Variants in FAM114A1 observed in about 807,000 individuals in gnomAD.
FAM114A1 encodes protein NOXP20.
FAM114A1 carries 62 observed loss-of-function variants against 64.3 expected under a neutral mutation model. The ratio of observed to expected loss-of-function variants is 0.96; its 90% CI spans 0.79 to 1.19. The LOEUF (loss-of-function observed/expected upper bound fraction) is 1.19, where lower values mean the gene tolerates loss of function less well. Ranked by LOEUF, FAM114A1 falls within the 50% of genes most tolerant of loss-of-function variation. FAM114A1 has a pLI of 0.00. For missense variants in FAM114A1, 645 were observed against 676.3 expected (o/e 0.95, Z 0.51); for synonymous variants, 254 against 251.1 (o/e 1.01, Z -0.11).
At chr4:38,900,369 T>C (rs1344062395) in intron 4 of FAM114A1, among the ~76,000 whole-genome samples, 2 of 152,222 alleles carry the variant, frequency 1.3e-5, no homozygotes, top group East Asian at 3.9e-4. Flanking sequence ...AGAATTACCA[T>C]ATGATCCACC....
At chr4:38,868,171 G>A in intron 1 of FAM114A1, 2 of 221,614 alleles carry the variant, frequency 9.0e-6, no homozygotes, top group Non-Finnish European at 9.8e-6. Flanking sequence ...AGCCTGCCTG[G>A]ATCTCCCAAA....
chr4:38,943,842 G>C lies in FAM114A1; in HGVS notation c.*285G>C, dbSNP rs729363. On this transcript the variant is annotated 3_prime_UTR_variant, in exon 15 of 15. Transcript: ENST00000358869. ...ATCTGAAATTTATTTACAAATATTC[G>C]TGTTCATTTTCCTGGTTAAGCATGC... 0.48 allele frequency: 133,036 copies of C among 277,188 alleles called. 32,518 individuals are homozygous for C. Among genetic ancestry groups the C allele is most frequent in the African/African-American group, 0.56 (26,125 of 46,876 alleles). The allele number at this position is 277,188 out of a possible 1,614,324, so 17.2% of individuals were successfully genotyped here.
chr4:38,880,288 G>A (rs1715128618), intron 3 of FAM114A1, among the ~76,000 whole-genome samples: 2 of 152,150 alleles, frequency 1.3e-5, no homozygotes, highest in Admixed American at 1.3e-4. Context: ...CCAGGATTGA[G>A]AATAATTAGT....
At position 38,886,923 on chromosome 4, in the gene FAM114A1, G is replaced by A. The variant is rs534748716; in HGVS notation, c.349-4820G>A. Among the ~76,000 whole-genome samples, 9 of 136,470 alleles carry A rather than the reference G, an allele frequency of 6.6e-5. No homozygotes were observed. The East Asian group carries it at 8.6e-4, about 13-fold the overall frequency. 89.5% of individuals were successfully genotyped at this position (136,470 alleles called of 152,430 possible). On this transcript the variant is annotated intron_variant, in intron 3 of 14. Coordinates refer to ENST00000358869, the MANE Select transcript of FAM114A1 (RefSeq NM_138389.4). ...AGCCTGGGAGACAGAGCGAGACTCC[G>A]TCTCAAAAAAAAAAAAAAAAAAGGA...
chr4:38,905,396 C>CT lies in FAM114A1; in HGVS notation c.437-122dup, dbSNP rs201086596. 5,909 of 657,012 alleles carry CT rather than the reference C, an allele frequency of 9.0e-3. 2 individuals carry two copies. The highest frequency in any genetic ancestry group is 0.011 in the Non-Finnish European group (4,360 of 393,340). 40.7% of individuals were successfully genotyped at this position (657,012 alleles called of 1,614,324 possible). ...CCTGGGTGACAGAGCAAGACTCCAT[C>CT]TTTTAAAAAAAAAAAAAAAGAAAGA... On this transcript the variant is annotated intron_variant, in intron 4 of 14. Coordinates refer to ENST00000358869, the MANE Select transcript of FAM114A1 (RefSeq NM_138389.4).
Position 38,914,975 on chromosome 4 carries a change from A to G in FAM114A1, c.847A>G (p.Met283Val). The G allele has an allele frequency of 1.9e-6, 3 of 1,614,152 alleles. No individual in the cohort carries two copies. The East Asian group carries it at 6.7e-5, about 36-fold the overall frequency. ...GCAGAGACTGGCACAGCAGCTCACG[A>G]TGGAGAGAACCGCGCACTACGGGAT... ...EKQRLAQQLT[M>V]ERTAHYGMLF... Residue 283 changes from methionine (M) to valine (V), a missense_variant, in exon 8 of 15, where the codon ATG (methionine) becomes GTG (valine). Met to Val is a conservative substitution (Grantham distance 21, BLOSUM62 1). Coordinates refer to ENST00000358869, the MANE Select transcript of FAM114A1 (RefSeq NM_138389.4).
At position 38,905,576 on chromosome 4, in the gene FAM114A1, G is replaced by A. The variant is rs762187696; in HGVS notation, c.491G>A (p.Gly164Asp). The change falls in exon 5 of 15, where the codon GGT (glycine) becomes GAT (aspartate). Residue 164 changes from glycine (G) to aspartate (D), a missense_variant. Physicochemically the swap from Gly to Asp is moderately conservative, Grantham distance 94 (BLOSUM62 -1). Transcript: ENST00000358869. ...EKAGATLRIHGVNSGSSEGAQ... is the reference protein window; with the variant it reads ...EKAGATLRIHDVNSGSSEGAQ... Reference sequence around the variant, plus strand: ...GCAGGAGCCACTCTACGGATTCATGGTGTAAATTCTGGATCTTCTGAAGGA... The same window carrying A: ...GCAGGAGCCACTCTACGGATTCATGATGTAAATTCTGGATCTTCTGAAGGA... 1.9e-6 allele frequency: 3 copies of A among 1,614,176 alleles called. No homozygotes were observed. The highest frequency in any genetic ancestry group is 2.5e-6 in the Non-Finnish European group (3 of 1,180,036).
intron 2 of FAM114A1, among the ~76,000 whole-genome samples, chr4:38,869,596 C>G (rs148653892): frequency 6.6e-6 from 1 of 152,176 alleles, no homozygotes; most frequent in African/African-American, 2.4e-5. Context: ...AGAGAATAGG[C>G]TGGAGCCTGG....
chr4:38,934,387 G>A (rs1373411048), intron 12 of FAM114A1, among the ~76,000 whole-genome samples: 1 of 152,122 alleles, frequency 6.6e-6, no homozygotes, highest in Non-Finnish European at 1.5e-5. Flanking sequence ...CCTTTCTGCA[G>A]ACAATTTTTG....
intron 3 of FAM114A1, among the ~76,000 whole-genome samples, chr4:38,881,055 CA>C (rs1715219319): frequency 6.6e-6 from 1 of 151,980 alleles, no homozygotes; most frequent in Non-Finnish European, 1.5e-5. Context: ...TGTGGTGGTG[CA>C]TGCCTGTAGT....
chr4:38,886,332 G>A (rs1473845123), intron 3 of FAM114A1, among the ~76,000 whole-genome samples: 4 of 151,596 alleles, frequency 2.6e-5, no homozygotes, highest in Non-Finnish European at 5.9e-5. Context: ...CACCACACCC[G>A]GCTAATTTTT....
At chr4:38,939,235 G>A (rs913041236) in intron 13 of FAM114A1, among the ~76,000 whole-genome samples, 2 of 152,136 alleles carry the variant, frequency 1.3e-5, no homozygotes, top group Non-Finnish European at 2.9e-5. Context: ...GGACCACACA[G>A]GTTATCATTA....
chr4:38,942,232 C>CATAT (rs1721632048), intron 14 of FAM114A1, among the ~76,000 whole-genome samples: 2 of 152,166 alleles, frequency 1.3e-5, no homozygotes, highest in South Asian at 4.1e-4. Context: ...CAAACCATAT[C>CATAT]AGCTACCTAT....
intron 3 of FAM114A1, among the ~76,000 whole-genome samples, chr4:38,888,259 C>G (rs866911734): frequency 5.3e-5 from 8 of 151,518 alleles, no homozygotes; most frequent in Non-Finnish European, 1.2e-4. Context: ...TGCAGTCACC[C>G]GTAATCCTAG....
chr4:38,920,449 A>G (rs1446009391), intron 8 of FAM114A1, among the ~76,000 whole-genome samples: 1 of 152,210 alleles, frequency 6.6e-6, no homozygotes, highest in Non-Finnish European at 1.5e-5. Context: ...GGATTGAACT[A>G]AAGATTCAAT....
chr4:38,920,812 A>G (rs1196060041), intron 8 of FAM114A1, among the ~76,000 whole-genome samples: 1 of 152,246 alleles, frequency 6.6e-6, no homozygotes, highest in African/African-American at 2.4e-5. Context: ...TGAAATGAAG[A>G]GTCTGAGAAG....
At chr4:38,880,110 GAATAGAAT>G in intron 3 of FAM114A1, among the ~76,000 whole-genome samples, 1 of 55,864 alleles carries the variant, frequency 1.8e-5, no homozygotes, top group Admixed American at 1.9e-4. Flanking sequence ...AAATAGAGTA[GAATAGAAT>G]AGAATAGAAT....
At chr4:38,882,140 G>A (rs886107957) in intron 3 of FAM114A1, among the ~76,000 whole-genome samples, 3 of 150,084 alleles carry the variant, frequency 2.0e-5, no homozygotes, top group Non-Finnish European at 3.0e-5. Context: ...GTGAAACCCC[G>A]TCTCTACTAA....
intron 3 of FAM114A1, among the ~76,000 whole-genome samples, chr4:38,883,795 A>G (rs1244935798): frequency 6.6e-6 from 1 of 152,196 alleles, no homozygotes; most frequent in African/African-American, 2.4e-5. Context: ...CTAAAAGGAC[A>G]GAGTTCCCTA....
Sources: allele counts gnomAD v4.1 joint callset (sites outside exome capture counted in the v4.1 genomes callset), GRCh38; gene constraint gnomAD v4.1.1; transcripts MANE v1.5; gene names NCBI Gene and HGNC (gene_info 2026-07-23, HGNC 2026-07-21).